The following IARS2 variants were observed in gnomAD, a reference collection of about 807,000 sequenced individuals.
IARS2 encodes isoleucine--tRNA ligase, mitochondrial.
In IARS2, 56 loss-of-function variants were observed where a neutral mutation model predicts 126.3. The ratio of observed to expected loss-of-function variants is 0.44; its 90% confidence interval spans 0.36 to 0.55. The LOEUF (loss-of-function observed/expected upper bound fraction) is 0.55. Among genes scored for constraint, IARS2 ranks in the 20% least tolerant of loss-of-function variants. The pLI is 0.00. For synonymous variants in IARS2, 407 were observed against 441.1 expected (o/e 0.92, Z 0.97); for missense variants, 1,127 against 1,245.9 (o/e 0.90, Z 1.44).
At chr1:220,122,601 A>C (rs1321535478) in intron 12 of IARS2, among the ~76,000 whole-genome samples, 2 of 152,136 alleles carry the variant, frequency 1.3e-5, no homozygotes, top group African/African-American at 4.8e-5. Context: ...AATTTAAGGA[A>C]CCCTAAGGTG....
Position 220,094,344 on chromosome 1 carries a change from G to T in IARS2, c.128G>T (p.Arg43Leu). 2 of 1,613,112 alleles carry T rather than the reference G, an allele frequency of 1.2e-6. No homozygotes were observed. Among genetic ancestry groups the T allele is most frequent in the South Asian group, 1.1e-5 (1 of 91,078 alleles). Residue 43 changes from arginine to leucine, a missense_variant, in exon 1 of 23, where the codon CGG becomes CTG. Coordinates refer to ENST00000366922, the MANE Select transcript of IARS2 (RefSeq NM_018060.4). ...WQGATKRLLV[R>L]SVSGASNHQP... ...GGGGCGACGAAGAGGCTTCTGGTGC[G>T]GTCGGTCTCCGGGGCCAGTAACCAC...
At chr1:220,102,085 GA>G in intron 3 of IARS2, 43 bp from the exon 4 acceptor site, 1 of 1,539,332 alleles carries the variant, frequency 6.5e-7, no homozygotes, top group Non-Finnish European at 8.9e-7. Flanking sequence ...TTAAGAATTC[GA>G]ATTCATTGGT....
At chr1:220,144,058 T>G (rs1444347085) in intron 21 of IARS2, 4 of 1,327,210 alleles carry the variant, frequency 3.0e-6, no homozygotes, top group Non-Finnish European at 4.3e-6. Context: ...GAAACCAAAC[T>G]GGCGGGATGG....
chr1:220,131,191 A>G (rs889074327), intron 14 of IARS2, among the ~76,000 whole-genome samples: 1 of 151,142 alleles, frequency 6.6e-6, no homozygotes, highest in African/African-American at 2.4e-5. Flanking sequence ...TTATTTATTT[A>G]TTTGAGACAG....
Position 220,123,181 on chromosome 1 carries a change from A to G in IARS2, c.1641-2056A>G, listed in dbSNP as rs180843285. Among the ~76,000 whole-genome samples, 774 of 152,056 alleles carry G rather than the reference A, an allele frequency of 5.1e-3. 3 individuals are homozygous for G. The highest frequency in any genetic ancestry group is 9.0e-3 in the Non-Finnish European group (610 of 67,974). On this transcript the variant is annotated intron_variant, in intron 12 of 22. Transcript: ENST00000366922. Reference sequence around the variant, plus strand: ...TAACTGAAAATGTTCTGGACAAACTATATAAAATAGTAATATGTAACTAAA... The same window carrying G: ...TAACTGAAAATGTTCTGGACAAACTGTATAAAATAGTAATATGTAACTAAA...
Position 220,141,883 on chromosome 1 carries a change from G to A in IARS2, c.2495G>A (p.Arg832His), listed in dbSNP as rs763319686. ...ALVEILDVIVRSFAPILPHLA... is the reference protein window; with the variant it reads ...ALVEILDVIVHSFAPILPHLA... ...GTTGAAATTTTGGATGTAATAGTTC[G>A]TTCTTTTGCTCCCATTCTTCCTCAC... Residue 832 changes from arginine to histidine, a missense_variant, in exon 20 of 23, where the codon CGT becomes CAT. By Grantham distance (29) the Arg-to-His change is conservative (BLOSUM62 0). Transcript: ENST00000366922. 19 of 1,614,020 alleles carry A rather than the reference G, an allele frequency of 1.2e-5. No individual in the cohort carries two copies. The African/African-American group carries it at 1.2e-4, about 10-fold the overall frequency.
intron 9 of IARS2, among the ~76,000 whole-genome samples, chr1:220,106,325 A>G (rs1395781232): frequency 2.0e-5 from 3 of 152,216 alleles, no homozygotes; most frequent in African/African-American, 7.2e-5. Flanking sequence ...ATCAAGTCAC[A>G]TAGACAAATT....
chr1:220,147,562 G>A lies in IARS2; in HGVS notation c.2966G>A (p.Arg989His), dbSNP rs1333246460. ...VMPTTKEKCP[R>H]CWKYTAESSD... The stretch of plus-strand genomic sequence containing the variant: ...CCGACTACGAAAGAAAAATGCCCCC[G>A]TTGTTGGAAGTATACAGCGGAGTCT... Residue 989 changes from arginine to histidine, a missense_variant, in exon 23 of 23, where the codon CGT (arginine) becomes CAT (histidine). Transcript: ENST00000366922. The A allele has an allele frequency of 1.5e-5, 25 of 1,614,000 alleles. No homozygotes were observed. The highest frequency in any genetic ancestry group is 2.2e-5 in the East Asian group (1 of 44,888).
At chr1:220,130,514 CT>C (rs1210390717) in intron 14 of IARS2, among the ~76,000 whole-genome samples, 2 of 152,130 alleles carry the variant, frequency 1.3e-5, no homozygotes, top group East Asian at 3.9e-4. Flanking sequence ...TTAAGTCTCT[CT>C]TTTGAGTTGA....
intron 14 of IARS2, 144 bp downstream of exon 14, chr1:220,126,987 G>C: frequency 1.8e-6 from 1 of 560,608 alleles, no homozygotes; most frequent in Non-Finnish European, 3.1e-6. Flanking sequence ...AAGACCCTTA[G>C]AGTTTACTTA....
intron 14 of IARS2, among the ~76,000 whole-genome samples, chr1:220,129,431 A>G (rs1433876158): frequency 6.6e-6 from 1 of 152,110 alleles, no homozygotes; most frequent in Non-Finnish European, 1.5e-5. Context: ...TATTTACCCT[A>G]CTGTATTAAA....
At chr1:220,113,526 T>G (rs1020839194) in intron 11 of IARS2, among the ~76,000 whole-genome samples, 2 of 152,030 alleles carry the variant, frequency 1.3e-5, no homozygotes, top group Non-Finnish European at 2.9e-5. Flanking sequence ...CTTTTGCTAG[T>G]TGACAAATTA....
At position 220,114,379 on chromosome 1, in the gene IARS2, C is replaced by T. The variant is rs1036618509; in HGVS notation, c.1545C>T (p.Asp515=). The T allele has an allele frequency of 6.2e-7, 1 of 1,613,628 alleles. No homozygotes were observed. The highest frequency in any genetic ancestry group is 8.5e-7 in the Non-Finnish European group (1 of 1,179,710). Reference sequence around the variant, plus strand: ...TGAATGGCATGGTTGAAATGATGGACAGGCGGCCATATTGGTGTATATCAA... The same window carrying T: ...TGAATGGCATGGTTGAAATGATGGATAGGCGGCCATATTGGTGTATATCAA... ...SALNGMVEMM[D]RRPYWCISRQ... The change falls in exon 12 of 23, where the codon GAC becomes GAT. Residue 515 remains aspartate, a synonymous_variant. Coordinates refer to ENST00000366922, the MANE Select transcript of IARS2 (RefSeq NM_018060.4).
At chr1:220,117,811 C>G in intron 12 of IARS2, 1 of 502,614 alleles carries the variant, frequency 2.0e-6, no homozygotes, top group Non-Finnish European at 4.1e-6. Flanking sequence ...TTCTGTGTAC[C>G]TGCCATTGCG....
chr1:220,144,415 A>G (rs1273101882), intron 21 of IARS2: 6 of 550,982 alleles, frequency 1.1e-5, no homozygotes, highest in African/African-American at 7.6e-5. Context: ...TCAGTTTTCT[A>G]AAAAACATCC....
intron 16 of IARS2, among the ~76,000 whole-genome samples, chr1:220,137,201 C>T (rs1178468854): frequency 6.6e-6 from 1 of 152,000 alleles, no homozygotes; most frequent in Admixed American, 6.6e-5. Context: ...ATTGGGTTTT[C>T]GCACTATTGT....
chr1:220,134,200 C>T (rs534035111), intron 14 of IARS2, among the ~76,000 whole-genome samples: 1 of 152,286 alleles, frequency 6.6e-6, no homozygotes, highest in Admixed American at 6.5e-5. Context: ...TTTCAGAAGT[C>T]ACGTGATACA....
At position 220,125,321 on chromosome 1, in the gene IARS2, A is replaced by C; in HGVS notation, c.1725A>C (p.Pro575=). 4 of 1,609,952 alleles carry C rather than the reference A, an allele frequency of 2.5e-6. No homozygotes were observed. The South Asian group carries it at 4.4e-5, about 18-fold the overall frequency. Residue 575 remains proline, a synonymous_variant, in exon 13 of 23, where the codon CCA becomes CCC. Transcript: ENST00000366922. ...CTCTTCCCCCTGAACAACTTCTTCC[A>C]AAAGAAGTCTTATCTGAGGTAAATT... ...WWTLPPEQLL[P]KEVLSEVGGP... is the part of the protein sequence containing the mutation.
intron 14 of IARS2, 41 bp from the exon 15 acceptor site, chr1:220,134,361 A>C (rs1235004010): frequency 1.5e-6 from 2 of 1,361,280 alleles, no homozygotes; most frequent in African/African-American, 1.5e-5. Context: ...TAATTAACTT[A>C]AATTTCTGGG....
Sources: gnomAD v4.1 joint callset for allele counts (sites outside exome capture counted in the v4.1 genomes callset) on GRCh38, gnomAD v4.1.1 for gene constraint, MANE v1.5 for transcripts, NCBI Gene and HGNC (gene_info 2026-07-23, HGNC 2026-07-21) for gene names.